The following KLHDC4 variants were observed in gnomAD, a reference collection of about 807,000 sequenced individuals.
KLHDC4 encodes kelch domain containing 4, also known as kelch domain-containing protein 4.
In KLHDC4, 90 loss-of-function variants were observed where a neutral mutation model predicts 62.4. That is an observed-to-expected ratio of 1.44 (90% CI 1.22 to 1.72). The LOEUF is 1.72. Ranked by LOEUF, KLHDC4 falls within the 40% of genes most tolerant of loss-of-function variation. The probability of loss-of-function intolerance (pLI) is 0.00; values close to 1 mark genes in which losing one functional copy is unlikely to be tolerated. For synonymous variants in KLHDC4, 386 were observed against 284.4 expected (o/e 1.36, Z -3.59); for missense variants, 1,025 against 699.7 (o/e 1.47, Z -5.25).
rs1443359403 is a variant in KLHDC4, at chr16:87,765,775, C to A, written c.99+17G>T. 1 of 1,564,616 alleles carries A rather than the reference C, an allele frequency of 6.4e-7. No individual in the cohort carries two copies. The highest frequency in any genetic ancestry group is 2.4e-5 in the East Asian group (1 of 42,552). ...GGCCGCGACGTCGGGCCGCTAAGCCCGGTCTGACCCGCTCACCTCCTCCTT... is the reference window on the plus strand; with the variant it reads ...GGCCGCGACGTCGGGCCGCTAAGCCAGGTCTGACCCGCTCACCTCCTCCTT... On this transcript the variant is annotated intron_variant, in intron 1 of 11. Coordinates refer to ENST00000270583, the MANE Select transcript of KLHDC4 (RefSeq NM_017566.4).
chr16:87,749,261 G>C (rs1192779404), intron 4 of KLHDC4, among the ~76,000 whole-genome samples: 4 of 152,072 alleles, frequency 2.6e-5, no homozygotes, highest in Non-Finnish European at 2.9e-5. Flanking sequence ...GCACGTAAAA[G>C]AAAGTGTTTA....
intron 7 of KLHDC4, among the ~76,000 whole-genome samples, chr16:87,716,894 T>C (rs1315177825): frequency 6.6e-6 from 1 of 152,120 alleles, no homozygotes; most frequent in East Asian, 1.9e-4. Context: ...ATCTCGCCAC[T>C]GCACTCCAGC....
At chr16:87,718,088 C>G (rs1263538737) in intron 7 of KLHDC4, among the ~76,000 whole-genome samples, 2 of 152,166 alleles carry the variant, frequency 1.3e-5, no homozygotes, top group Non-Finnish European at 2.9e-5. Flanking sequence ...CTTCTAACTC[C>G]TCCTTCTACA....
chr16:87,719,296 T>A (rs897678871), intron 7 of KLHDC4, among the ~76,000 whole-genome samples: 49 of 152,210 alleles, frequency 3.2e-4, no homozygotes, highest in African/African-American at 1.1e-3. Flanking sequence ...GAGGTAGACA[T>A]GGGAGACTCC....
intron 5 of KLHDC4, chr16:87,740,017 C>T (rs1361056897): frequency 1.3e-5 from 2 of 152,346 alleles, no homozygotes; most frequent in East Asian, 1.9e-4. Flanking sequence ...AAACACCTAT[C>T]GGGCGGGGTC....
At chr16:87,731,901 G>T (rs547706546) in intron 5 of KLHDC4, among the ~76,000 whole-genome samples, 1 of 152,154 alleles carries the variant, frequency 6.6e-6, no homozygotes, top group African/African-American at 2.4e-5. Flanking sequence ...CAATGTGAAT[G>T]AATCTTAAAA....
At chr16:87,748,245 C>T (rs2043336014) in intron 5 of KLHDC4, among the ~76,000 whole-genome samples, 2 of 152,108 alleles carry the variant, frequency 1.3e-5, no homozygotes, top group Admixed American at 6.5e-5. Context: ...AACATCCTTC[C>T]TGTCTCATAC....
At chr16:87,712,743 G>A (rs2036150728) in intron 8 of KLHDC4, among the ~76,000 whole-genome samples, 1 of 152,258 alleles carries the variant, frequency 6.6e-6, no homozygotes, top group South Asian at 2.1e-4. Flanking sequence ...GCCTCAGCAT[G>A]AGGAATTTTA....
chr16:87,713,369 GT>G (rs113196529), intron 8 of KLHDC4, among the ~76,000 whole-genome samples: 8 of 148,800 alleles, frequency 5.4e-5, no homozygotes, highest in African/African-American at 9.9e-5. Flanking sequence ...ACCTGGCTAC[GT>G]TTTTTTTTTA....
Position 87,709,584 on chromosome 16 carries a change from A to C in KLHDC4, c.1128T>G (p.Ala376=). 1 of 1,612,924 alleles carries C rather than the reference A, an allele frequency of 6.2e-7. No homozygotes were observed. ...EGGSRPACGG[A]GTQGPVQLVK... ...CCAGCTGCACAGGCCCCTGGGTGCC[A>C]GCTCCCCCACACGCCGGCCTGCTAC... Residue 376 remains alanine (A), a synonymous_variant, in exon 10 of 12, where the codon GCT becomes GCG. Transcript: ENST00000270583.
intron 5 of KLHDC4, among the ~76,000 whole-genome samples, chr16:87,745,316 C>T (rs1311282373): frequency 6.6e-6 from 1 of 152,024 alleles, no homozygotes; most frequent in Admixed American, 6.5e-5. Flanking sequence ...CTCTTGGTGC[C>T]TCTGCCCAGC....
chr16:87,758,629 G>C (rs887839823), intron 2 of KLHDC4, among the ~76,000 whole-genome samples: 1 of 152,040 alleles, frequency 6.6e-6, no homozygotes, highest in Admixed American at 6.6e-5. Context: ...AAGAAGAATT[G>C]TCTCGGGCCA....
chr16:87,744,615 T>C (rs1175436397), intron 5 of KLHDC4, among the ~76,000 whole-genome samples: 1 of 148,216 alleles, frequency 6.7e-6, no homozygotes, highest in African/African-American at 2.5e-5. Context: ...GAAAAACTGA[T>C]GGTAAAGCTC....
At chr16:87,762,486 C>A (rs1240471812) in intron 1 of KLHDC4, among the ~76,000 whole-genome samples, 4 of 152,370 alleles carry the variant, frequency 2.6e-5, no homozygotes, top group Middle Eastern at 3.4e-3. Flanking sequence ...AGAGCCCAGG[C>A]CTGGGCCGTC....
chr16:87,765,786 G>T lies in KLHDC4; in HGVS notation c.99+6C>A, dbSNP rs1466693128. The T allele has an allele frequency of 1.3e-6, 2 of 1,569,726 alleles. No homozygotes were observed. Among genetic ancestry groups the T allele is most frequent in the East Asian group, 4.7e-5 (2 of 42,828 alleles). ...CGGGCCGCTAAGCCCGGTCTGACCC[G>T]CTCACCTCCTCCTTCCGCGAGCGCT... On this transcript the variant is annotated splice_donor_region_variant and intron_variant, in intron 1 of 11. Coordinates refer to ENST00000270583, the MANE Select transcript of KLHDC4 (RefSeq NM_017566.4).
chr16:87,746,951 G>A (rs574170245), intron 5 of KLHDC4, among the ~76,000 whole-genome samples: 28 of 152,194 alleles, frequency 1.8e-4, no homozygotes, highest in Admixed American at 5.9e-4. Flanking sequence ...GCGTACGACC[G>A]AGCCTGCAGT....
chr16:87,737,690 C>T (rs2143010536), intron 5 of KLHDC4, among the ~76,000 whole-genome samples: 1 of 151,466 alleles, frequency 6.6e-6, no homozygotes, highest in Non-Finnish European at 1.5e-5. Context: ...CGGGTTCAAG[C>T]AATTATTCCA....
chr16:87,745,882 C>G (rs1409329801), intron 5 of KLHDC4, among the ~76,000 whole-genome samples: 1 of 152,196 alleles, frequency 6.6e-6, no homozygotes, highest in African/African-American at 2.4e-5. Flanking sequence ...GTCTTAACAA[C>G]TGAATAAGGC....
intron 7 of KLHDC4, among the ~76,000 whole-genome samples, chr16:87,718,400 C>T (rs1567685626): frequency 2.8e-5 from 4 of 142,990 alleles, no homozygotes; most frequent in African/African-American, 7.7e-5. Context: ...TCTCTCTCCA[C>T]GGTCTCCCTC....
Sources: gnomAD v4.1 joint callset for allele counts (sites outside exome capture counted in the v4.1 genomes callset) on GRCh38, gnomAD v4.1.1 for gene constraint, MANE v1.5 for transcripts, NCBI Gene and HGNC (gene_info 2026-07-23, HGNC 2026-07-21) for gene names.